Variants in NCKAP1 observed in about 807,000 individuals in gnomAD.
NCKAP1 encodes the protein NCK associated protein 1, also known as nck-associated protein 1.
Under a neutral mutation model 151.2 loss-of-function variants are expected in NCKAP1, and 21 were observed. The ratio of observed to expected loss-of-function variants is 0.14; its 90% CI spans 0.10 to 0.20. The LOEUF (loss-of-function observed/expected upper bound fraction) is 0.20, where lower values mean the gene tolerates loss of function less well. Among genes scored for constraint, NCKAP1 ranks in the 10% least tolerant of loss-of-function variants. NCKAP1 has a pLI of 1.00. For missense variants in NCKAP1, 933 were observed against 1,352.1 expected (o/e 0.69, Z 4.86); for synonymous variants, 484 against 451.8 (o/e 1.07, Z -0.90).
At chr2:182,941,825 G>A (rs1035968014) in intron 24 of NCKAP1, among the ~76,000 whole-genome samples, 4 of 152,104 alleles carry the variant, frequency 2.6e-5, no homozygotes, top group South Asian at 2.1e-4. Context: ...ATTGATACTG[G>A]TAATATTCAT....
chr2:182,952,480 T>C lies in NCKAP1; in HGVS notation c.2526A>G (p.Leu842=). 1 of 1,604,994 alleles carries C rather than the reference T, an allele frequency of 6.2e-7. No homozygotes were observed. Among genetic ancestry groups the C allele is most frequent in the South Asian group, 1.1e-5 (1 of 88,736 alleles). The change falls in exon 23 of 31, where the codon CTA becomes CTG. Residue 842 remains leucine (L), a synonymous_variant. Coordinates refer to ENST00000361354, the MANE Select transcript of NCKAP1 (RefSeq NM_013436.5). ...GAAACTTCATACCATATGGGCCTAG[T>C]AGTTCTGATAATGACCTCATTTCTG... ...DISEMRSLSE[L]LGPYGMKFLS... is the part of the protein sequence containing the mutation.
At chr2:182,995,586 G>T in intron 7 of NCKAP1, 115 bp downstream of exon 7, 1 of 967,882 alleles carries the variant, frequency 1.0e-6, no homozygotes, top group Non-Finnish European at 1.5e-6. Context: ...ATTTTATAAT[G>T]AACTTCAACT....
At chr2:182,945,727 C>T (rs1285696502) in intron 23 of NCKAP1, among the ~76,000 whole-genome samples, 4 of 152,196 alleles carry the variant, frequency 2.6e-5, no homozygotes, top group Non-Finnish European at 5.9e-5. Context: ...AGTCCAGCCA[C>T]TGTGAAAAGC....
chr2:183,012,139 C>T (rs1698600613), intron 2 of NCKAP1, among the ~76,000 whole-genome samples: 1 of 152,158 alleles, frequency 6.6e-6, no homozygotes, highest in Non-Finnish European at 1.5e-5. Flanking sequence ...ATGATCAATT[C>T]CCATATTCCC....
chr2:182,963,802 A>G (rs989636034), intron 17 of NCKAP1, among the ~76,000 whole-genome samples: 1 of 152,100 alleles, frequency 6.6e-6, no homozygotes, highest in Non-Finnish European at 1.5e-5. Flanking sequence ...AAAAATTCAT[A>G]AATCTATTAA....
chr2:182,960,729 A>T (rs1375267219), intron 18 of NCKAP1, among the ~76,000 whole-genome samples: 2 of 152,240 alleles, frequency 1.3e-5, no homozygotes, highest in African/African-American at 2.4e-5. Context: ...AAAATTGACA[A>T]ATGGGATCTA....
At chr2:182,977,054 G>A (rs938642443) in intron 14 of NCKAP1, 103 bp from the exon 15 acceptor site, 1 of 669,646 alleles carries the variant, frequency 1.5e-6, no homozygotes, top group Non-Finnish European at 2.3e-6. Context: ...CTACTTCTGA[G>A]TATACCTAAA....
intron 23 of NCKAP1, among the ~76,000 whole-genome samples, chr2:182,951,622 G>C (rs1334965429): frequency 2.4e-5 from 3 of 123,018 alleles, no homozygotes; most frequent in African/African-American, 8.4e-5. Flanking sequence ...GGGCAACACA[G>C]TGAGACTCCA....
chr2:182,970,182 T>G (rs1282693183), intron 15 of NCKAP1, among the ~76,000 whole-genome samples: 1 of 152,108 alleles, frequency 6.6e-6, no homozygotes, highest in African/African-American at 2.4e-5. Flanking sequence ...CAGCAAATAT[T>G]TAAAGAACTA....
At position 182,934,745 on chromosome 2, in the gene NCKAP1, T is replaced by G; in HGVS notation, c.2859+7A>C. ...CTGTAAACCCCAACTATAAATTATA[T>G]TATTACCTTCATATCAGTTTCCCTT... On this transcript the variant is annotated splice_region_variant and intron_variant, in intron 26 of 30. Transcript: ENST00000361354. The G allele has an allele frequency of 7.5e-7, 1 of 1,328,402 alleles. No individual in the cohort carries two copies. The highest frequency in any genetic ancestry group is 1.5e-5 in the African/African-American group (1 of 68,878). The allele number at this position is 1,328,402 out of a possible 1,614,324, so 82.3% of individuals were successfully genotyped here.
chr2:183,028,319 C>T (rs1484928621), intron 1 of NCKAP1, among the ~76,000 whole-genome samples: 4 of 151,958 alleles, frequency 2.6e-5, no homozygotes, highest in African/African-American at 4.8e-5. Flanking sequence ...CTTGAGTCAG[C>T]ATATTTTCAT....
intron 2 of NCKAP1, among the ~76,000 whole-genome samples, chr2:183,022,293 ATTAAT>A (rs1698810835): frequency 6.6e-6 from 1 of 152,196 alleles, no homozygotes; most frequent in African/African-American, 2.4e-5. Flanking sequence ...TGTATATAAA[ATTAAT>A]TTAAGACAGA....
intron 2 of NCKAP1, among the ~76,000 whole-genome samples, chr2:183,023,537 C>G (rs958080066): frequency 7.9e-5 from 12 of 152,076 alleles, no homozygotes; most frequent in African/African-American, 2.9e-4. Flanking sequence ...ATATACATAT[C>G]TATTACCTTA....
At chr2:182,979,530 A>T (rs1697896088) in intron 13 of NCKAP1, among the ~76,000 whole-genome samples, 1 of 152,164 alleles carries the variant, frequency 6.6e-6, no homozygotes, top group Admixed American at 6.5e-5. Context: ...CAAACAGTAT[A>T]AATAAAACAC....
intron 1 of NCKAP1, among the ~76,000 whole-genome samples, chr2:183,035,804 C>CTAGA (rs565486714): frequency 6.4e-4 from 97 of 152,190 alleles, no homozygotes; most frequent in Non-Finnish European, 1.1e-3. Flanking sequence ...ATTATTAAAA[C>CTAGA]TAGAGCACAC....
At chr2:182,966,089 T>C (rs769764285) in intron 16 of NCKAP1, among the ~76,000 whole-genome samples, 24 of 152,156 alleles carry the variant, frequency 1.6e-4, no homozygotes, top group Non-Finnish European at 3.2e-4. Context: ...AAGCTTTTCA[T>C]GATGATCTCT....
At chr2:182,989,327 T>C (rs1272203933) in intron 8 of NCKAP1, 141 bp from the exon 9 acceptor site, 2 of 574,048 alleles carry the variant, frequency 3.5e-6, no homozygotes, top group Non-Finnish European at 6.0e-6. Flanking sequence ...AATACATATG[T>C]ATAAACCATG....
In NCKAP1 at chr2:182,962,425, T is replaced by C. The variant is rs371771675; in HGVS notation, c.1762-147A>G. On this transcript the variant is annotated intron_variant, in intron 17 of 30. Coordinates refer to ENST00000361354, the MANE Select transcript of NCKAP1 (RefSeq NM_013436.5). ...GATGTTAAAAATTGCTTTTGCCTCT[T>C]GTAACAACTAACTCACCATACTGTA... is the stretch of plus-strand genomic sequence containing the variant. 2.0e-5 allele frequency: 13 copies of C among 637,422 alleles called. No individual in the cohort carries two copies. The South Asian group carries it at 3.4e-4, about 17-fold the overall frequency. 39.5% of individuals were successfully genotyped at this position (637,422 alleles called of 1,614,324 possible). A position where few individuals can be genotyped will look rare whatever the true frequency, so the allele number is the denominator to read the frequency against.
intron 15 of NCKAP1, among the ~76,000 whole-genome samples, chr2:182,974,708 C>CA (rs1413683101): frequency 1.3e-5 from 2 of 152,104 alleles, no homozygotes; most frequent in African/African-American, 2.4e-5. Flanking sequence ...ACCTTGCTTT[C>CA]AGACTGCCAG....
Sources: gnomAD v4.1 joint callset for allele counts (sites outside exome capture counted in the v4.1 genomes callset) on GRCh38, gnomAD v4.1.1 for gene constraint, MANE v1.5 for transcripts, NCBI Gene and HGNC (gene_info 2026-07-23, HGNC 2026-07-21) for gene names.